CAPZA2: variants seen among roughly 807,000 people sequenced by gnomAD.
CAPZA2 encodes F-actin-capping protein subunit alpha-2.
CAPZA2 carries 13 observed loss-of-function variants against 44.0 expected under a neutral mutation model. The ratio of observed to expected loss-of-function variants is 0.30; its 90% CI spans 0.19 to 0.47. The LOEUF is 0.47. Among genes scored for constraint, CAPZA2 ranks in the 20% least tolerant of loss-of-function variants. The pLI is 1.00. For synonymous variants in CAPZA2, 94 were observed against 108.2 expected (o/e 0.87, Z 0.81); for missense variants, 244 against 338.6 (o/e 0.72, Z 2.19).
At chr7:116,863,174 C>G (rs913483523) in intron 1 of CAPZA2, among the ~76,000 whole-genome samples, 1 of 152,216 alleles carries the variant, frequency 6.6e-6, no homozygotes, top group Non-Finnish European at 1.5e-5. Context: ...CTCCTCAAAG[C>G]AAAATGCTTC....
Position 116,921,675 on chromosome 7 carries a change from C to T in CAPZA2, c.*3808C>T, listed in dbSNP as rs1216487665. 6.6e-6 allele frequency: 1 copy of T among 152,050 alleles called. No homozygotes were observed. The highest frequency in any genetic ancestry group is 1.5e-5 in the Non-Finnish European group (1 of 68,046). The allele number at this position is 152,050 out of a possible 1,614,324, so 9.4% of individuals were successfully genotyped here. On this transcript the variant is annotated 3_prime_UTR_variant, in exon 10 of 10. Transcript: ENST00000361183. Reference sequence around the variant, plus strand: ...GCAGCCTGGGTGACAGGGTGAGAGTCTGTCTCAAAAAAAGAAAAAGGAAAT... The same window carrying T: ...GCAGCCTGGGTGACAGGGTGAGAGTTTGTCTCAAAAAAAGAAAAAGGAAAT...
chr7:116,888,071 C>T (rs2115918599), intron 1 of CAPZA2, 56 bp from the exon 2 acceptor site: 3 of 1,271,966 alleles, frequency 2.4e-6, no homozygotes, highest in African/African-American at 1.5e-5. Flanking sequence ...ATGTTTTGTG[C>T]TTATTTTAGC....
At chr7:116,881,468 A>G (rs762359695) in intron 1 of CAPZA2, among the ~76,000 whole-genome samples, 22 of 152,076 alleles carry the variant, frequency 1.4e-4, no homozygotes, top group South Asian at 2.1e-4. Context: ...GGCTGGGCAC[A>G]GTGGCTCACA....
chr7:116,872,547 T>C (rs1016206905), intron 1 of CAPZA2, among the ~76,000 whole-genome samples: 1 of 152,208 alleles, frequency 6.6e-6, no homozygotes, highest in Admixed American at 6.5e-5. Context: ...AGTTTACCCA[T>C]ATTAAGATAA....
chr7:116,875,393 A>C (rs1796608186), intron 1 of CAPZA2: 1 of 152,208 alleles, frequency 6.6e-6, no homozygotes, highest in African/African-American at 2.4e-5. Context: ...CAGGTTGAGG[A>C]GTAGAAACAA....
Position 116,906,292 on chromosome 7 carries a change from A to C in CAPZA2, c.456A>C (p.Gln152His). ...ATGGCAAAAAAATAGATGGACAGCA[A>C]ACCATTATTGCATGCATAGAAAGCC... ...TVYGKKIDGQ[Q>H]TIIACIESHQ... Residue 152 changes from glutamine to histidine, a missense_variant, in exon 6 of 10, where the codon CAA (glutamine) becomes CAC (histidine). Physicochemically the swap from Gln to His is conservative, Grantham distance 24 (BLOSUM62 0). Transcript: ENST00000361183. 6.2e-7 allele frequency: 1 copy of C among 1,613,014 alleles called. No homozygotes were observed. Among genetic ancestry groups the C allele is most frequent in the Non-Finnish European group, 8.5e-7 (1 of 1,179,824 alleles).
rs1179011772 is a variant in CAPZA2 at position 116,920,805 on chromosome 7, TTAAAG to T, written c.*2943_*2947del. 2 of 152,216 alleles carry T rather than the reference TTAAAG, an allele frequency of 1.3e-5. No homozygotes were observed. Among genetic ancestry groups the T allele is most frequent in the Admixed American group, 6.5e-5 (1 of 15,278 alleles). 9.4% of individuals were successfully genotyped at this position (152,216 alleles called of 1,614,324 possible). On this transcript the variant is annotated 3_prime_UTR_variant, in exon 10 of 10. Transcript: ENST00000361183. ...GACCTCAAGGTTAGTGATAATGAAT[TTAAAG>T]TAAATGAGACCAATGATGAGCATGG...
At chr7:116,875,475 A>G (rs1296367002) in intron 1 of CAPZA2, 1 of 152,182 alleles carries the variant, frequency 6.6e-6, no homozygotes, top group African/African-American at 2.4e-5. Flanking sequence ...AGCAATATCC[A>G]TAAAATCTTT....
chr7:116,917,155 A>C (rs1057281706), intron 9 of CAPZA2, among the ~76,000 whole-genome samples: 1 of 152,176 alleles, frequency 6.6e-6, no homozygotes, highest in Admixed American at 6.5e-5. Flanking sequence ...AATAAATTCA[A>C]AATGACACAC....
At position 116,862,709 on chromosome 7, in the gene CAPZA2, G is replaced by A. The variant is rs1796432605; in HGVS notation, c.39+59G>A. The stretch of plus-strand genomic sequence containing the variant: ...AGGAGCCGGCTCAGCCCGGGCGGGT[G>A]GGCCCGGAGTCTGGTCGCGGGGGAA... On this transcript the variant is annotated intron_variant, in intron 1 of 9. Coordinates refer to ENST00000361183, the MANE Select transcript of CAPZA2 (RefSeq NM_006136.3). 2.0e-6 allele frequency: 3 copies of A among 1,490,434 alleles called. No individual in the cohort carries two copies. In the South Asian group the frequency reaches 3.7e-5, roughly 19 times the overall value. The allele number at this position is 1,490,434 out of a possible 1,614,324, so 92.3% of individuals were successfully genotyped here. A position where few individuals can be genotyped will look rare whatever the true frequency, so the allele number is the denominator to read the frequency against.
At chr7:116,908,325 G>A (rs1166443823) in intron 6 of CAPZA2, among the ~76,000 whole-genome samples, 1 of 152,074 alleles carries the variant, frequency 6.6e-6, no homozygotes, top group Non-Finnish European at 1.5e-5. Context: ...AAAATCAGAA[G>A]CAACTAGTCT....
At chr7:116,905,317 A>G (rs56019098) in intron 5 of CAPZA2, among the ~76,000 whole-genome samples, 7 of 152,236 alleles carry the variant, frequency 4.6e-5, no homozygotes, top group East Asian at 1.9e-4. Flanking sequence ...AAATCAGGTC[A>G]TTAAAATTCC....
Position 116,920,380 on chromosome 7 carries a change from T to C in CAPZA2, c.*2513T>C, listed in dbSNP as rs2115997777. On this transcript the variant is annotated 3_prime_UTR_variant, in exon 10 of 10. Coordinates refer to ENST00000361183, the MANE Select transcript of CAPZA2 (RefSeq NM_006136.3). Reference sequence around the variant, plus strand: ...CTTTGCTGAGTAGGCTGAAGTGTGGTGGCAAAGGCATAATCAGGGAGAACA... The same window carrying C: ...CTTTGCTGAGTAGGCTGAAGTGTGGCGGCAAAGGCATAATCAGGGAGAACA... The C allele has an allele frequency of 6.6e-6, 1 of 152,364 alleles. No homozygotes were observed. Among genetic ancestry groups the C allele is most frequent in the South Asian group, 2.1e-4 (1 of 4,818 alleles). 9.4% of individuals were successfully genotyped at this position (152,364 alleles called of 1,614,324 possible). A position where few individuals can be genotyped will look rare whatever the true frequency, so the allele number is the denominator to read the frequency against.
At chr7:116,913,812 A>T (rs1585015853) in intron 8 of CAPZA2, among the ~76,000 whole-genome samples, 1 of 116,148 alleles carries the variant, frequency 8.6e-6, no homozygotes, top group Non-Finnish European at 1.7e-5. Flanking sequence ...ATGGGGTTTC[A>T]CCATGTTGCC....
At chr7:116,877,208 G>C (rs1299006038) in intron 1 of CAPZA2, among the ~76,000 whole-genome samples, 2 of 152,224 alleles carry the variant, frequency 1.3e-5, no homozygotes, top group African/African-American at 4.8e-5. Context: ...GTGCTAGCCA[G>C]TTATCAAAGG....
chr7:116,890,523 AAAATAT>A (rs1796819643), intron 2 of CAPZA2, among the ~76,000 whole-genome samples: 1 of 38,568 alleles, frequency 2.6e-5, no homozygotes, highest in Non-Finnish European at 4.3e-5. Flanking sequence ...AAAAAAAAAA[AAAATAT>A]ATATATATAT....
chr7:116,884,292 T>C (rs1435146008), intron 1 of CAPZA2, among the ~76,000 whole-genome samples: 2 of 152,202 alleles, frequency 1.3e-5, no homozygotes, highest in East Asian at 3.8e-4. Flanking sequence ...TGATGACTTT[T>C]AGCACATGTA....
chr7:116,908,201 C>G (rs1395559644), intron 6 of CAPZA2, among the ~76,000 whole-genome samples: 2 of 151,792 alleles, frequency 1.3e-5, no homozygotes, highest in Non-Finnish European at 2.9e-5. Context: ...TTCAAGCCTG[C>G]AGTGAGCTAT....
At chr7:116,917,590 T>C (rs1031390276) in intron 9 of CAPZA2, 137 bp from the exon 10 acceptor site, 2 of 688,658 alleles carry the variant, frequency 2.9e-6, no homozygotes, top group East Asian at 2.6e-5. Flanking sequence ...TTTAAAACAA[T>C]GTTGGGATTT....
Sources: gnomAD v4.1 joint callset for allele counts (sites outside exome capture counted in the v4.1 genomes callset) on GRCh38, gnomAD v4.1.1 for gene constraint, MANE v1.5 for transcripts, NCBI Gene and HGNC (gene_info 2026-07-23, HGNC 2026-07-21) for gene names.